Variants in ITGAX observed in about 807,000 individuals in gnomAD.
ITGAX encodes integrin alpha-X.
A neutral mutation model predicts 140.2 loss-of-function variants in ITGAX; 99 were observed. The ratio of observed to expected loss-of-function variants is 0.71; its 90% CI spans 0.60 to 0.83. The LOEUF is 0.83. Among genes scored for constraint, ITGAX ranks in the 40% least tolerant of loss-of-function variants. ITGAX has a pLI of 0.00. For synonymous variants in ITGAX, 631 were observed against 600.4 expected, an observed-to-expected ratio of 1.05 and a Z score of -0.75; for missense variants, 1,444 against 1,482.0, an observed-to-expected ratio of 0.97 and a Z score of 0.42.
intron 2 of ITGAX, 136 bp from the exon 3 acceptor site, chr16:31,356,489 C>T (rs1012073950): frequency 3.2e-6 from 2 of 622,034 alleles, no homozygotes; most frequent in African/African-American, 1.8e-5. Flanking sequence ...ATCCCTTCCA[C>T]ATGGACTTTA....
At chr16:31,357,791 C>T in intron 5 of ITGAX, 1 of 408,730 alleles carries the variant, frequency 2.4e-6, no homozygotes, top group Non-Finnish European at 4.3e-6. Context: ...TAGGAAAGGT[C>T]AGTGAAAGTG....
intron 14 of ITGAX, among the ~76,000 whole-genome samples, chr16:31,365,407 G>A (rs1482135129): frequency 6.6e-6 from 1 of 152,188 alleles, no homozygotes; most frequent in Non-Finnish European, 1.5e-5. Flanking sequence ...AGAAAAAAGT[G>A]CCAAGGAAGG....
chr16:31,371,896 CA>C (rs1333015069), intron 17 of ITGAX, 112 bp downstream of exon 17: 9 of 1,286,582 alleles, frequency 7.0e-6, no homozygotes, highest in Non-Finnish European at 9.6e-6. Flanking sequence ...AGCACAGGAC[CA>C]GCCATGCAGG....
chr16:31,359,675 G>T lies in ITGAX; in HGVS notation c.431-25G>T, dbSNP rs2080799811. On this transcript the variant is annotated intron_variant, in intron 5 of 29. Transcript: ENST00000268296. ...CTGGACTCCAGGAGTGTCACTTGGA[G>T]GACCGGTGCCACCTCCTTCCCCAGA... is the stretch of plus-strand genomic sequence containing the variant. The T allele has an allele frequency of 3.1e-6, 5 of 1,612,026 alleles. No individual in the cohort carries two copies. The East Asian group carries it at 1.1e-4, about 36-fold the overall frequency.
Position 31,382,239 on chromosome 16 carries a change from T to TTTTG in ITGAX, c.*335_*336insGTTT. 1 of 1,175,558 alleles carries TTTTG rather than the reference T, an allele frequency of 8.5e-7. No individual in the cohort carries two copies. The highest frequency in any genetic ancestry group is 4.3e-5 in the East Asian group (1 of 23,208). The allele number at this position is 1,175,558 out of a possible 1,614,324, so 72.8% of individuals were successfully genotyped here. On this transcript the variant is annotated 3_prime_UTR_variant, in exon 30 of 30. Coordinates refer to ENST00000268296, the MANE Select transcript of ITGAX (RefSeq NM_000887.5). ...TCTTTCTTTCCTTTCTTTTTTTTTT[T>TTTTG]TTTTCTTTTCTTTTTTTTTTTTTTG...
intron 2 of ITGAX, chr16:31,356,225 C>T (rs1373060757): frequency 2.6e-5 from 13 of 503,606 alleles, no homozygotes; most frequent in Admixed American, 7.3e-5. Flanking sequence ...TGATTTAGTC[C>T]ACACGACAGC....
intron 29 of ITGAX, 97 bp downstream of exon 29, chr16:31,381,104 T>C: frequency 2.2e-6 from 2 of 904,008 alleles, no homozygotes; most frequent in East Asian, 2.5e-5. Flanking sequence ...GGCACATTCT[T>C]ACTGGGTCAC....
rs770522441 is a variant in ITGAX, at chr16:31,377,248, C to G, written c.2772C>G (p.Val924=). Residue 924 remains valine, a synonymous_variant, in exon 23 of 30, where the codon GTC becomes GTG. Transcript: ENST00000268296. ...FQLELPVKYA[V]YTVVSSHEQF... ...TGGAGCTCCCGGTGAAGTATGCTGTCTACACTGTGGTTAGCAGGTCAGCAG... is the reference window on the plus strand; with the variant it reads ...TGGAGCTCCCGGTGAAGTATGCTGTGTACACTGTGGTTAGCAGGTCAGCAG... 6.2e-7 allele frequency: 1 copy of G among 1,612,842 alleles called. No individual in the cohort carries two copies. Among genetic ancestry groups the G allele is most frequent in the South Asian group, 1.1e-5 (1 of 91,042 alleles).
intron 20 of ITGAX, among the ~76,000 whole-genome samples, chr16:31,374,374 A>G (rs534463083): frequency 1.3e-5 from 2 of 152,310 alleles, no homozygotes; most frequent in African/African-American, 2.4e-5. Flanking sequence ...TGTCACCTAG[A>G]TTCAACAATT....
chr16:31,356,308 T>C (rs996600245), intron 2 of ITGAX: 8 of 423,164 alleles, frequency 1.9e-5, no homozygotes, highest in African/African-American at 8.0e-5. Flanking sequence ...CATTTAAAAA[T>C]ATATAGAGAC....
At chr16:31,375,296 G>A (rs779400613) in intron 20 of ITGAX, among the ~76,000 whole-genome samples, 45 of 152,320 alleles carry the variant, frequency 3.0e-4, no homozygotes, top group Admixed American at 2.0e-3. Flanking sequence ...GATTACAGGC[G>A]TAAGCCACGG....
chr16:31,368,488 A>G (rs1372111508), intron 14 of ITGAX, among the ~76,000 whole-genome samples: 2 of 99,454 alleles, frequency 2.0e-5, no homozygotes, highest in African/African-American at 7.3e-5. Context: ...ACAGAGTGAA[A>G]GTGTGTCTCA....
intron 11 of ITGAX, 96 bp downstream of exon 11, chr16:31,362,300 A>T: frequency 6.4e-5 from 54 of 840,094 alleles, no homozygotes; most frequent in Non-Finnish European, 7.0e-5. Context: ...TGTGCTGCCC[A>T]GGGTGGGGTC....
chr16:31,372,767 A>G (rs2080982500), intron 19 of ITGAX, 97 bp downstream of exon 19: 2 of 1,227,976 alleles, frequency 1.6e-6, no homozygotes, highest in Admixed American at 2.0e-5. Flanking sequence ...GTCTCATCCT[A>G]TAGTCAAAAC....
intron 8 of ITGAX, 113 bp downstream of exon 8, chr16:31,360,576 G>A (rs1324730827): frequency 3.8e-6 from 4 of 1,044,730 alleles, no homozygotes; most frequent in Admixed American, 2.5e-5. Context: ...CACCCAGGAA[G>A]TGGTGCAATC....
In ITGAX at chr16:31,371,046, A is replaced by G. The variant is rs201572195; in HGVS notation, c.1711-38A>G. 9.3e-6 allele frequency: 15 copies of G among 1,612,282 alleles called. No homozygotes were observed. The African/African-American group carries it at 1.7e-4, about 19-fold the overall frequency. On this transcript the variant is annotated intron_variant, in intron 14 of 29. Transcript: ENST00000268296. ...TTACTTATTTCCAACTTCTTCCCCT[A>G]CTTTCCATCTTGATTCACCCTTCTC...
At position 31,360,477 on chromosome 16, in the gene ITGAX, T is replaced by A; in HGVS notation, c.861+14T>A. The A allele has an allele frequency of 6.3e-7, 1 of 1,592,208 alleles. No individual in the cohort carries two copies. The highest frequency in any genetic ancestry group is 8.6e-7 in the Non-Finnish European group (1 of 1,168,774). ...TATGCAATTGGGGTAGGGCGTGGGA[T>A]GGCTTCCCACTTCTCCCACGGCTTC... On this transcript the variant is annotated intron_variant, in intron 8 of 29. Transcript: ENST00000268296.
intron 29 of ITGAX, among the ~76,000 whole-genome samples, 163 bp downstream of exon 29, chr16:31,381,170 G>A (rs2081066191): frequency 6.6e-6 from 1 of 152,166 alleles, no homozygotes; most frequent in African/African-American, 2.4e-5. Flanking sequence ...GTGGCCCCCT[G>A]CTTTGTGATT....
At chr16:31,378,866 A>T (rs567395423) in intron 23 of ITGAX, among the ~76,000 whole-genome samples, 29 of 148,518 alleles carry the variant, frequency 2.0e-4, no homozygotes, top group Admixed American at 6.1e-4. Context: ...CCCAGGCTGG[A>T]GTGCAGTTGT....
Sources: gnomAD v4.1 joint callset for allele counts (sites outside exome capture counted in the v4.1 genomes callset) on GRCh38, gnomAD v4.1.1 for gene constraint, MANE v1.5 for transcripts, NCBI Gene and HGNC (gene_info 2026-07-23, HGNC 2026-07-21) for gene names.